KRT84: variants seen among roughly 807,000 people sequenced by gnomAD.
KRT84 encodes the protein keratin, type II cuticular Hb4.
Under a neutral mutation model 49.0 loss-of-function variants are expected in KRT84, and 38 were observed. The ratio of observed to expected loss-of-function variants is 0.78; its 90% CI spans 0.60 to 1.02. The LOEUF (loss-of-function observed/expected upper bound fraction) is 1.02. Among genes scored for constraint, KRT84 ranks in the 50% least tolerant of loss-of-function variants. KRT84 has a pLI of 0.00. For missense variants in KRT84, 860 were observed against 788.6 expected (o/e 1.09, Z -1.08); for synonymous variants, 334 against 312.8 (o/e 1.07, Z -0.72).
Position 52,378,117 on chromosome 12 carries a change from C to A in KRT84, c.1720G>T (p.Gly574Trp). Residue 574 changes from glycine (G) to tryptophan (W), a missense_variant, in exon 9 of 9, where the codon GGG becomes TGG. Coordinates refer to ENST00000257951, the MANE Select transcript of KRT84 (RefSeq NM_033045.4). ...PSVPCPLPTQ[G>W]GFSSCSGGRS... ...CCGCCGCTGCAGCTGCTGAAGCCCC[C>A]CTGGGTGGGCAGGGGGCAGGGGACG... is the stretch of plus-strand genomic sequence containing the variant. The A allele has an allele frequency of 6.5e-7, 1 of 1,537,968 alleles. No homozygotes were observed. Among genetic ancestry groups the A allele is most frequent in the Non-Finnish European group, 8.7e-7 (1 of 1,147,114 alleles).
In KRT84 at chr12:52,378,089, CG is replaced by C. The variant is rs763291432; in HGVS notation, c.1747del (p.Arg583AlafsTer62). The C allele has an allele frequency of 6.7e-7, 1 of 1,498,474 alleles. No homozygotes were observed. The allele number at this position is 1,498,474 out of a possible 1,614,324, so 92.8% of individuals were successfully genotyped here. A position where few individuals can be genotyped will look rare whatever the true frequency, so the allele number is the denominator to read the frequency against. On this transcript the variant is annotated frameshift_variant, in exon 9 of 9. Transcript: ENST00000257951. LOFTEE classifies it high-confidence loss of function. ...GGACACAAAGCGGACGCTGGAGCTG[CG>C]GCCGCCGCTGCAGCTGCTGAAGCCC... Reference protein sequence around the residue: ...QGGFSSCSGGRSSSVRFVSTT... With the variant: ...QGGFSSCSGGXSSSVRFVSTT...
chr12:52,377,962 G>T lies in KRT84; in HGVS notation c.*72C>A. The T allele has an allele frequency of 8.1e-7, 1 of 1,239,790 alleles. No homozygotes were observed. The highest frequency in any genetic ancestry group is 2.1e-5 in the South Asian group (1 of 48,518). 76.8% of individuals were successfully genotyped at this position (1,239,790 alleles called of 1,614,324 possible). A position where few individuals can be genotyped will look rare whatever the true frequency, so the allele number is the denominator to read the frequency against. On this transcript the variant is annotated 3_prime_UTR_variant, in exon 9 of 9. Transcript: ENST00000257951. The stretch of plus-strand genomic sequence containing the variant: ...GGAGACCGTCAAGCCCAGAGCCCAC[G>T]AACCCTGGGGGCAGAAGCAGGAGCC...
At chr12:52,379,150 C>T (rs1327371159) in intron 8 of KRT84, among the ~76,000 whole-genome samples, 3 of 152,234 alleles carry the variant, frequency 2.0e-5, no homozygotes, top group Non-Finnish European at 4.4e-5. Flanking sequence ...GTCTGACCCA[C>T]CCAGTTTAGC....
In KRT84 at chr12:52,385,394, C is replaced by G; in HGVS notation, c.192G>C (p.Arg64=). 1 of 1,614,208 alleles carries G rather than the reference C, an allele frequency of 6.2e-7. No homozygotes were observed. Among genetic ancestry groups the G allele is most frequent in the Non-Finnish European group, 8.5e-7 (1 of 1,180,042 alleles). ...SVITFGSYSP[R]IAAVGSRPIH... ...TGGGCCGAGAGCCTACAGCTGCTAT[C>G]CGGGGTGAGTACGATCCAAAGGTGA... Residue 64 remains arginine, a synonymous_variant, in exon 1 of 9, where the codon CGG becomes CGC. Transcript: ENST00000257951.
At chr12:52,379,697 G>A (rs1939446365) in intron 8 of KRT84, among the ~76,000 whole-genome samples, 179 bp downstream of exon 8, 1 of 152,148 alleles carries the variant, frequency 6.6e-6, no homozygotes, top group Non-Finnish European at 1.5e-5. Flanking sequence ...AGGCTCTGGG[G>A]AGATCTCAGA....
rs374039585 is a variant in KRT84 at position 52,381,224 on chromosome 12, A to G, written c.1078-19T>C. 22 of 1,613,712 alleles carry G rather than the reference A, an allele frequency of 1.4e-5. No homozygotes were observed. In the African/African-American group the frequency reaches 2.7e-4, roughly 20 times the overall value. On this transcript the variant is annotated intron_variant, in intron 5 of 8. Transcript: ENST00000257951. ...CTTCATACTGCGGAGAGAGGAGGGT[A>G]TTTTGAGGGTTCGGAGGTCAGGTCA...
At chr12:52,382,324 G>T in intron 4 of KRT84, 113 bp downstream of exon 4, 1 of 713,674 alleles carries the variant, frequency 1.4e-6, no homozygotes, top group South Asian at 1.7e-5. Flanking sequence ...TTGAGTGAGA[G>T]GAAAGATATA....
intron 4 of KRT84, 117 bp from the exon 5 acceptor site, chr12:52,381,642 T>TA: frequency 9.9e-7 from 1 of 1,011,462 alleles, no homozygotes; most frequent in Non-Finnish European, 1.5e-6. Flanking sequence ...CATTGGTTCA[T>TA]AAAAAAGCAA....
Position 52,377,877 on chromosome 12 carries a change from G to T in KRT84, c.*157C>A. 2.1e-6 allele frequency: 1 copy of T among 483,694 alleles called. No homozygotes were observed. Among genetic ancestry groups the T allele is most frequent in the South Asian group, 6.9e-5 (1 of 14,400 alleles). The allele number at this position is 483,694 out of a possible 1,614,324, so 30.0% of individuals were successfully genotyped here. A position where few individuals can be genotyped will look rare whatever the true frequency, so the allele number is the denominator to read the frequency against. ...CAGAAAAATCCTCCAAGAGGACATGGGGCCAGGCAGAATAATCGGGGGAGT... is the reference window on the plus strand; with the variant it reads ...CAGAAAAATCCTCCAAGAGGACATGTGGCCAGGCAGAATAATCGGGGGAGT... On this transcript the variant is annotated 3_prime_UTR_variant, in exon 9 of 9. Transcript: ENST00000257951.
At chr12:52,384,866 C>T (rs931889222) in intron 1 of KRT84, among the ~76,000 whole-genome samples, 174 bp downstream of exon 1, 1 of 152,176 alleles carries the variant, frequency 6.6e-6, no homozygotes, top group Non-Finnish European at 1.5e-5. Flanking sequence ...CTTGGCCTTG[C>T]TCTGCAGCAG....
intron 8 of KRT84, 49 bp downstream of exon 8, chr12:52,379,827 A>T (rs1289074424): frequency 1.3e-6 from 2 of 1,505,330 alleles, no homozygotes; most frequent in Admixed American, 3.3e-5. Flanking sequence ...GTTTAAAGGA[A>T]GTTTGAAGAG....
intron 7 of KRT84, 59 bp downstream of exon 7, chr12:52,380,304 T>C (rs2121433718): frequency 1.9e-6 from 3 of 1,590,774 alleles, no homozygotes; most frequent in East Asian, 2.2e-5. Context: ...CTTCTCTTCC[T>C]TAGTCTTTCT....
chr12:52,385,314 C>T lies in KRT84; in HGVS notation c.272G>A (p.Arg91Lys). The T allele has an allele frequency of 6.2e-7, 1 of 1,614,168 alleles. No homozygotes were observed. The change falls in exon 1 of 9, where the codon AGA becomes AAA. Residue 91 changes from arginine (R) to lysine (K), a missense_variant. Physicochemically the swap from Arg to Lys is conservative, Grantham distance 26 (BLOSUM62 2). Transcript: ENST00000257951. ...AGCCCTAGGCCCCAGACCAACACCT[C>T]TCCCATCACCAAAACCCATCCCACA... is the stretch of plus-strand genomic sequence containing the variant. ...AGCGMGFGDG[R>K]GVGLGPRADS...
At chr12:52,386,619 T>A (rs1326413331), upstream of KRT84, among the ~76,000 whole-genome samples, 2 of 152,130 alleles carry the variant, frequency 1.3e-5, no homozygotes, top group South Asian at 4.2e-4. Flanking sequence ...AACTACATGA[T>A]TTTTAGCCCC....
At position 52,385,105 on chromosome 12, in the gene KRT84, C is replaced by A. The variant is rs762576396; in HGVS notation, c.481G>T (p.Val161Leu). Residue 161 changes from valine (V) to leucine (L), a missense_variant, in exon 1 of 9, where the codon GTG (valine) becomes TTG (leucine). Transcript: ENST00000257951. ...NLEIDPNAQR[V>L]KKDEKEQIKT... ...ATTTGCTCCTTCTCATCCTTCTTCA[C>A]CCTCTGGGCATTGGGGTCAATCTCC... 1.3e-5 allele frequency: 21 copies of A among 1,602,456 alleles called. No homozygotes were observed. The highest frequency in any genetic ancestry group is 1.7e-5 in the Non-Finnish European group (20 of 1,174,514).
intron 8 of KRT84, among the ~76,000 whole-genome samples, chr12:52,379,465 G>C (rs974622838): frequency 6.6e-6 from 1 of 152,166 alleles, no homozygotes; most frequent in Non-Finnish European, 1.5e-5. Flanking sequence ...CCCATGCTTC[G>C]GCTGCAGCAG....
At chr12:52,382,750 GA>G (rs1939506959) in intron 3 of KRT84, among the ~76,000 whole-genome samples, 1 of 152,230 alleles carries the variant, frequency 6.6e-6, no homozygotes, top group Non-Finnish European at 1.5e-5. Flanking sequence ...TAGAGGCAAA[GA>G]AAATCTAGAT....
intron 2 of KRT84, 23 bp from the exon 3 acceptor site, chr12:52,383,088 T>C: frequency 2.5e-6 from 4 of 1,606,502 alleles, no homozygotes; most frequent in Non-Finnish European, 2.6e-6. Flanking sequence ...GTTAAGAGGG[T>C]GAGTGCTTAC....
rs754394359 is a variant in KRT84, at chr12:52,385,453, G to A, written c.133C>T (p.Arg45Trp). ...SVSCWSGPGFRGLGSFGSRSV... is the reference protein window; with the variant it reads ...SVSCWSGPGFWGLGSFGSRSV... ...CGACTACCAAAGCTGCCAAGGCCCCGGAATCCAGGCCCACTCCAACAGGAG... is the reference window on the plus strand; with the variant it reads ...CGACTACCAAAGCTGCCAAGGCCCCAGAATCCAGGCCCACTCCAACAGGAG... The change falls in exon 1 of 9, where the codon CGG becomes TGG. Residue 45 changes from arginine to tryptophan, a missense_variant. By Grantham distance (101) the Arg-to-Trp change is moderately radical. Coordinates refer to ENST00000257951, the MANE Select transcript of KRT84 (RefSeq NM_033045.4). 69 of 1,614,078 alleles carry A rather than the reference G, an allele frequency of 4.3e-5. No individual in the cohort carries two copies. The Admixed American group carries it at 8.3e-4, about 19-fold the overall frequency.
Sources: allele counts gnomAD v4.1 joint callset (sites outside exome capture counted in the v4.1 genomes callset), GRCh38; gene constraint gnomAD v4.1.1; transcripts MANE v1.5; gene names NCBI Gene and HGNC (gene_info 2026-07-23, HGNC 2026-07-21).